LRRK1: variants seen among roughly 807,000 people sequenced by gnomAD.
LRRK1 encodes leucine-rich repeat serine/threonine-protein kinase 1.
LRRK1 carries 113 observed loss-of-function variants against 209.1 expected under a neutral mutation model. That is an observed-to-expected ratio of 0.54 (90% CI 0.46 to 0.63). The LOEUF is 0.63. LRRK1 is among the 30% of genes least tolerant of loss of function. LRRK1 has a pLI of 0.00. For synonymous variants in LRRK1, 1,144 were observed against 1,099.7 expected (o/e 1.04, Z -0.80); for missense variants, 2,284 against 2,632.2 (o/e 0.87, Z 2.89).
chr15:100,939,826 A>C (rs4075387), intron 2 of LRRK1, among the ~76,000 whole-genome samples: 29,787 of 152,156 alleles, frequency 0.2, 3,146 homozygotes, highest in South Asian at 0.29. Flanking sequence ...TATTCATTCT[A>C]CTGAAAATAA....
At chr15:100,978,905 T>C (rs766079769) in intron 3 of LRRK1, among the ~76,000 whole-genome samples, 1 of 152,028 alleles carries the variant, frequency 6.6e-6, no homozygotes, top group Non-Finnish European at 1.5e-5. Context: ...GAAGGCTGTA[T>C]TACCCTGACA....
At chr15:101,017,561 G>A (rs889959725) in intron 12 of LRRK1, among the ~76,000 whole-genome samples, 3 of 152,068 alleles carry the variant, frequency 2.0e-5, no homozygotes, top group Admixed American at 1.3e-4. Flanking sequence ...TCAGATCAGC[G>A]GCAGCATTGG....
chr15:101,007,958 C>T (rs2033039842), intron 6 of LRRK1, among the ~76,000 whole-genome samples: 1 of 151,790 alleles, frequency 6.6e-6, no homozygotes, highest in African/African-American at 2.4e-5. Context: ...TGAGACCAGC[C>T]TGAGCTCGAC....
intron 2 of LRRK1, among the ~76,000 whole-genome samples, chr15:100,961,174 T>G (rs1429108629): frequency 6.6e-6 from 1 of 152,194 alleles, no homozygotes; most frequent in Non-Finnish European, 1.5e-5. Context: ...GGGCATCACA[T>G]GGCAAAGGGC....
At chr15:100,995,814 A>G (rs990083461) in intron 6 of LRRK1, among the ~76,000 whole-genome samples, 5 of 152,244 alleles carry the variant, frequency 3.3e-5, no homozygotes, top group Non-Finnish European at 5.9e-5. Context: ...TTAACTTTCA[A>G]ACAACCCAAT....
chr15:101,012,224 T>C, intron 10 of LRRK1, 79 bp downstream of exon 10: 1 of 1,230,088 alleles, frequency 8.1e-7, no homozygotes, highest in Non-Finnish European at 1.1e-6. Context: ...ATGTATGTGC[T>C]TTTCCTGAGC....
intron 2 of LRRK1, among the ~76,000 whole-genome samples, chr15:100,932,835 C>T (rs2042235007): frequency 6.6e-6 from 1 of 152,162 alleles, no homozygotes; most frequent in Non-Finnish European, 1.5e-5. Context: ...TTTTGCACCC[C>T]ATCTATCTGC....
At position 101,070,035 on chromosome 15, in the gene LRRK1, C is replaced by T. The variant is rs1249834855; in HGVS notation, c.*1187C>T. On this transcript the variant is annotated 3_prime_UTR_variant, in exon 34 of 34. Coordinates refer to ENST00000388948, the MANE Select transcript of LRRK1 (RefSeq NM_024652.6). ...GACCCTTTTCTAAAATTAAAAAGAT[C>T]AAATTTAGTATTTGCTGGATATGCA... The T allele has an allele frequency of 1.3e-5, 2 of 152,158 alleles. No individual in the cohort carries two copies. Among genetic ancestry groups the T allele is most frequent in the Non-Finnish European group, 2.9e-5 (2 of 68,030 alleles). The allele number at this position is 152,158 out of a possible 1,614,324, so 9.4% of individuals were successfully genotyped here. A position where few individuals can be genotyped will look rare whatever the true frequency, so the allele number is the denominator to read the frequency against.
At chr15:101,040,836 T>C (rs2034716972) in intron 20 of LRRK1, among the ~76,000 whole-genome samples, 2 of 152,254 alleles carry the variant, frequency 1.3e-5, no homozygotes, top group South Asian at 4.1e-4. Flanking sequence ...TGTGTGATCT[T>C]TCCCAGTGAA....
At chr15:100,980,182 T>C (rs534160447) in intron 3 of LRRK1, among the ~76,000 whole-genome samples, 1 of 152,160 alleles carries the variant, frequency 6.6e-6, no homozygotes, top group East Asian at 1.9e-4. Flanking sequence ...CCAAAGACTC[T>C]CAGTAAGTGG....
intron 2 of LRRK1, among the ~76,000 whole-genome samples, chr15:100,958,506 T>C (rs1239012615): frequency 6.6e-6 from 1 of 152,212 alleles, no homozygotes; most frequent in Non-Finnish European, 1.5e-5. Flanking sequence ...ATTTGACCCA[T>C]AGCTAAGTAA....
At chr15:101,032,045 T>C (rs1159270689) in intron 20 of LRRK1, among the ~76,000 whole-genome samples, 1 of 152,150 alleles carries the variant, frequency 6.6e-6, no homozygotes, top group African/African-American at 2.4e-5. Flanking sequence ...CTCCCCAATA[T>C]TTGTTGTCTG....
At position 101,022,495 on chromosome 15, in the gene LRRK1, G is replaced by A. The variant is rs2033843622; in HGVS notation, c.1965G>A (p.Leu655=). The A allele has an allele frequency of 4.3e-6, 7 of 1,614,230 alleles. No individual in the cohort carries two copies. Among genetic ancestry groups the A allele is most frequent in the Middle Eastern group, 1.6e-4 (1 of 6,062 alleles). ...GPPRQGKSTL[L]EILQTGRAPQ... ...CGCGCCAGGGCAAGTCCACCCTCCT[G>A]GAGATCTTACAGACGGGGAGGGCCC... is the stretch of plus-strand genomic sequence containing the variant. The change falls in exon 15 of 34, where the codon CTG becomes CTA. Residue 655 remains leucine, a synonymous_variant. Coordinates refer to ENST00000388948, the MANE Select transcript of LRRK1 (RefSeq NM_024652.6). This position sits in a 1 kb window ranked among gnomAD's most constrained non-coding sequence, Gnocchi z 4.0.
chr15:100,919,612 G>T lies in LRRK1; in HGVS notation c.-123+161G>T, dbSNP rs1243911858. 1.3e-5 allele frequency among the ~76,000 whole-genome samples: 2 copies of T among 149,776 alleles called. No homozygotes were observed. Among genetic ancestry groups the T allele is most frequent in the African/African-American group, 2.4e-5 (1 of 41,126 alleles). ...GCCGCGTGGTCGGGCACGGGGGGCC[G>T]TTGCGCAGGGGCCGCGGCCCGAGGG... On this transcript the variant is annotated intron_variant, in intron 1 of 33. Coordinates refer to ENST00000388948, the MANE Select transcript of LRRK1 (RefSeq NM_024652.6). The surrounding 1 kb of genome is among the most constrained non-coding windows in gnomAD (Gnocchi z 5.8).
chr15:100,950,910 T>C (rs113564022), intron 2 of LRRK1, among the ~76,000 whole-genome samples: 5,286 of 152,274 alleles, frequency 0.035, 127 homozygotes, highest in African/African-American at 0.074. Flanking sequence ...GAGACCATCC[T>C]GGCTAACACG....
chr15:101,054,850 G>A, intron 26 of LRRK1, 96 bp from the exon 27 acceptor site: 1 of 1,072,096 alleles, frequency 9.3e-7, no homozygotes, highest in Non-Finnish European at 1.4e-6. Flanking sequence ...AAGTATCTAG[G>A]GAGATCGGAA....
chr15:100,946,649 G>A (rs1316570702), intron 2 of LRRK1, among the ~76,000 whole-genome samples: 1 of 152,166 alleles, frequency 6.6e-6, no homozygotes, highest in Non-Finnish European at 1.5e-5. Context: ...TTCCTAATAT[G>A]TGCTGTAACA....
chr15:100,973,808 C>A lies in LRRK1; in HGVS notation c.102C>A (p.Ala34=). ...TGTGTGCTTCCTCCCGCGCAGGTGC[C>A]GGGGACACGGGCGGCAAGCCGTCCA... is the stretch of plus-strand genomic sequence containing the variant. ...PERAMETLNG[A]GDTGGKPSTR... Residue 34 remains alanine, a synonymous_variant, in exon 3 of 34, where the codon GCC becomes GCA. Transcript: ENST00000388948. 7.7e-7 allele frequency: 1 copy of A among 1,290,760 alleles called. No homozygotes were observed. Among genetic ancestry groups the A allele is most frequent in the South Asian group, 2.4e-5 (1 of 42,466 alleles). 80.0% of individuals were successfully genotyped at this position (1,290,760 alleles called of 1,614,324 possible). A position where few individuals can be genotyped will look rare whatever the true frequency, so the allele number is the denominator to read the frequency against.
intron 1 of LRRK1, among the ~76,000 whole-genome samples, chr15:100,920,824 C>T (rs2042008154): frequency 6.6e-6 from 1 of 152,096 alleles, no homozygotes; most frequent in Non-Finnish European, 1.5e-5. Context: ...AGTAGCTTCT[C>T]CTTGCAACTG....
Sources: gnomAD v4.1 joint callset for allele counts (sites outside exome capture counted in the v4.1 genomes callset) on GRCh38, gnomAD v4.1.1 for gene constraint, Gnocchi (gnomAD v3.1) non-coding constraint, MANE v1.5 for transcripts, NCBI Gene and HGNC (gene_info 2026-07-23, HGNC 2026-07-21) for gene names.